CSMD2: variants seen among roughly 807,000 people sequenced by gnomAD.
The protein encoded by CSMD2 is CUB and sushi domain-containing protein 2.
CSMD2 carries 130 observed loss-of-function variants against 398.5 expected under a neutral mutation model. The observed-to-expected ratio is 0.33, with a 90% CI of 0.28 to 0.38. CSMD2 has a LOEUF of 0.38. CSMD2 is among the 10% of genes least tolerant of loss of function. The pLI is 1.00. For missense variants in CSMD2, 3,829 were observed against 4,764.9 expected (o/e 0.80, Z 5.78); for synonymous variants, 1,828 against 1,908.5 (o/e 0.96, Z 1.10).
chr1:33,788,728 T>G lies in CSMD2; in HGVS notation c.1551-16A>C, dbSNP rs764805353. 65 of 1,461,238 alleles carry G rather than the reference T, an allele frequency of 4.4e-5. 1 individual carries two copies. Among genetic ancestry groups the G allele is most frequent in the Non-Finnish European group, 6.1e-5 (63 of 1,040,730 alleles). 90.5% of individuals were successfully genotyped at this position (1,461,238 alleles called of 1,614,324 possible). A position where few individuals can be genotyped will look rare whatever the true frequency, so the allele number is the denominator to read the frequency against. ...ACCTGTCAGGCTGGCAGGAGAGAGA[T>G]ATTTAGAGGTGTGCTCTCCACCATG... On this transcript the variant is annotated splice_polypyrimidine_tract_variant and intron_variant, in intron 11 of 70. Transcript: ENST00000373381.
intron 3 of CSMD2, among the ~76,000 whole-genome samples, chr1:34,003,699 A>G (rs1570777024): frequency 6.6e-6 from 1 of 152,032 alleles, no homozygotes; most frequent in Admixed American, 6.5e-5. Flanking sequence ...AGAGGCCAAC[A>G]CCCTGGAGGG....
At chr1:34,130,525 C>T (rs960114293) in intron 1 of CSMD2, among the ~76,000 whole-genome samples, 5 of 151,510 alleles carry the variant, frequency 3.3e-5, no homozygotes, top group Non-Finnish European at 5.9e-5. Context: ...CAGATCAAAT[C>T]GGGATGGTTT....
intron 5 of CSMD2, among the ~76,000 whole-genome samples, chr1:33,872,038 C>A (rs1306722946): frequency 6.6e-6 from 1 of 152,142 alleles, no homozygotes; most frequent in African/African-American, 2.4e-5. Flanking sequence ...TTCAACACTA[C>A]CATATTGGGG....
Position 33,559,073 on chromosome 1 carries a change from A to T in CSMD2, c.8554+227T>A, listed in dbSNP as rs771902311. ...AAAGGTAAAAAAGACGACTTGAAAG[A>T]TAAAACTTAAGTTTTGCTTTCCTTA... On this transcript the variant is annotated intron_variant, in intron 54 of 70. Coordinates refer to ENST00000373381, the MANE Select transcript of CSMD2 (RefSeq NM_001281956.2). This position sits in a 1 kb window ranked among gnomAD's most constrained non-coding sequence, Gnocchi z 4.0. Among the ~76,000 whole-genome samples the T allele has an allele frequency of 6.6e-6, 1 of 152,232 alleles. No homozygotes were observed. Among genetic ancestry groups the T allele is most frequent in the Non-Finnish European group, 1.5e-5 (1 of 68,034 alleles).
At chr1:33,674,107 C>T (rs1644613238) in intron 25 of CSMD2, among the ~76,000 whole-genome samples, 1 of 152,152 alleles carries the variant, frequency 6.6e-6, no homozygotes, top group Non-Finnish European at 1.5e-5. Flanking sequence ...TCACACATAA[C>T]AATATTAACC....
At chr1:34,001,478 A>T (rs1646899819) in intron 3 of CSMD2, among the ~76,000 whole-genome samples, 2 of 152,238 alleles carry the variant, frequency 1.3e-5, no homozygotes, top group African/African-American at 4.8e-5. Flanking sequence ...CCTCCAATCA[A>T]GCCATTCGAG....
rs188096619 is a variant in CSMD2 at position 33,904,847 on chromosome 1, C to T, written c.920+13247G>A. On this transcript the variant is annotated intron_variant, in intron 5 of 70. Transcript: ENST00000373381. Reference sequence around the variant, plus strand: ...ATTTTTAATAGACATGGGGTTTCACCGTGTTAGCCAGGATGGTCTCAATCT... The same window carrying T: ...ATTTTTAATAGACATGGGGTTTCACTGTGTTAGCCAGGATGGTCTCAATCT... 2.6e-3 allele frequency among the ~76,000 whole-genome samples: 403 copies of T among 152,226 alleles called. 2 individuals are homozygous for T. Among genetic ancestry groups the T allele is most frequent in the Middle Eastern group, 0.01 (3 of 294 alleles).
chr1:33,732,095 AGCACACACATGTCTGTGTGCGTGCACAT>A (rs970042091), intron 15 of CSMD2, among the ~76,000 whole-genome samples: 4 of 152,312 alleles, frequency 2.6e-5, no homozygotes, highest in East Asian at 1.9e-4. Flanking sequence ...AAAACAGGGA[AGCACACACATGTCTGTGTGCGTGCACAT>A]GCACACACAC....
chr1:34,008,736 T>C (rs1340800727), intron 3 of CSMD2, among the ~76,000 whole-genome samples: 2 of 152,198 alleles, frequency 1.3e-5, no homozygotes, highest in African/African-American at 2.4e-5. Flanking sequence ...TGTATTTATC[T>C]GTGTGGTTGC....
Position 33,583,654 on chromosome 1 carries a change from C to G in CSMD2, c.7228G>C (p.Glu2410Gln), listed in dbSNP as rs1267789972. The change falls in exon 47 of 71, where the codon GAG (glutamate) becomes CAG (glutamine). Residue 2410 changes from glutamate (E) to glutamine (Q), a missense_variant. Around this residue, in one of 5 missense-constraint regions of CSMD2, gnomAD observed 723 missense variants for 758.6 expected, o/e 0.95. Transcript: ENST00000373381. ...FLSEKQYDEF[E>Q]IFDGPSGQSP... Reference sequence around the variant, plus strand: ...TTGACTGACTTACCATCAAAAATCTCAAACTCATCATATTGCTTCTCGCTG... The same window carrying G: ...TTGACTGACTTACCATCAAAAATCTGAAACTCATCATATTGCTTCTCGCTG... The G allele has an allele frequency of 1.9e-6, 3 of 1,613,966 alleles. No homozygotes were observed. Among genetic ancestry groups the G allele is most frequent in the Non-Finnish European group, 2.5e-6 (3 of 1,179,940 alleles).
intron 6 of CSMD2, among the ~76,000 whole-genome samples, chr1:33,845,597 C>T (rs1254271867): frequency 1.3e-5 from 2 of 152,260 alleles, no homozygotes; most frequent in African/African-American, 2.4e-5. Flanking sequence ...ATACAGACAG[C>T]TGTTCCACTC....
rs547420567 is a variant in CSMD2, at chr1:34,108,425, G to A, written c.188-19232C>T. Among the ~76,000 whole-genome samples, 31 of 152,276 alleles carry A rather than the reference G, an allele frequency of 2.0e-4. No homozygotes were observed. The East Asian group carries it at 2.1e-3, about 10-fold the overall frequency. Reference sequence around the variant, plus strand: ...CCTGCCCCTCTATCTATGGAATGAGGTTCTCAAGACCACATTCACAGAGAT... The same window carrying A: ...CCTGCCCCTCTATCTATGGAATGAGATTCTCAAGACCACATTCACAGAGAT... On this transcript the variant is annotated intron_variant, in intron 1 of 70. Coordinates refer to ENST00000373381, the MANE Select transcript of CSMD2 (RefSeq NM_001281956.2).
At chr1:34,058,802 C>A (rs1385539199) in intron 2 of CSMD2, among the ~76,000 whole-genome samples, 1 of 152,208 alleles carries the variant, frequency 6.6e-6, no homozygotes, top group Non-Finnish European at 1.5e-5. Flanking sequence ...GCTCCCCACA[C>A]CCCAGCCCTG....
chr1:34,051,252 T>C (rs1237117949), intron 2 of CSMD2, among the ~76,000 whole-genome samples: 1 of 152,160 alleles, frequency 6.6e-6, no homozygotes, highest in Non-Finnish European at 1.5e-5. Flanking sequence ...TAAGTTTAGG[T>C]CACCCCACGT....
intron 1 of CSMD2, among the ~76,000 whole-genome samples, chr1:34,156,148 A>C (rs949111581): frequency 3.3e-5 from 5 of 152,212 alleles, no homozygotes; most frequent in African/African-American, 1.2e-4. Flanking sequence ...GGAACATTTT[A>C]GCATTAATTG....
At chr1:33,717,947 T>C (rs1646226946) in intron 19 of CSMD2, among the ~76,000 whole-genome samples, 1 of 152,164 alleles carries the variant, frequency 6.6e-6, no homozygotes, top group African/African-American at 2.4e-5. Flanking sequence ...AAATATTTAC[T>C]GTCCTAACTG....
intron 17 of CSMD2, among the ~76,000 whole-genome samples, chr1:33,725,136 C>A (rs995921393): frequency 2.0e-5 from 3 of 152,164 alleles, no homozygotes; most frequent in Non-Finnish European, 4.4e-5. Context: ...AAGGGCCTAG[C>A]GTGAAGGTTG....
At chr1:33,765,966 C>T (rs1650432615) in intron 13 of CSMD2, among the ~76,000 whole-genome samples, 1 of 152,176 alleles carries the variant, frequency 6.6e-6, no homozygotes, top group African/African-American at 2.4e-5. Context: ...AGTCTCTATC[C>T]AGTGCCCTGT....
At chr1:33,783,399 T>C (rs1343732781) in intron 12 of CSMD2, among the ~76,000 whole-genome samples, 9 of 150,990 alleles carry the variant, frequency 6.0e-5, no homozygotes, top group African/African-American at 2.2e-4. Context: ...GATGGATGTC[T>C]AAGAAGAAAC....
Sources: gnomAD v4.1 joint callset for allele counts (sites outside exome capture counted in the v4.1 genomes callset) on GRCh38, gnomAD v4.1.1 for gene constraint, gnomAD v4.1.1 regional missense constraint, Gnocchi (gnomAD v3.1) non-coding constraint, MANE v1.5 for transcripts, NCBI Gene and HGNC (gene_info 2026-07-23, HGNC 2026-07-21) for gene names.